TRIT1: variants seen among roughly 807,000 people sequenced by gnomAD.
TRIT1 encodes tRNA dimethylallyltransferase.
A neutral mutation model predicts 51.2 loss-of-function variants in TRIT1; 43 were observed. That is an observed-to-expected ratio of 0.84 (90% CI 0.66 to 1.08). The LOEUF (loss-of-function observed/expected upper bound fraction) is 1.08, where lower values mean the gene tolerates loss of function less well. Ranked by LOEUF, TRIT1 falls within the 50% of genes least tolerant of loss-of-function variation. The pLI, the probability that TRIT1 is intolerant of heterozygous loss-of-function variation, is 0.00. For missense variants in TRIT1, 528 were observed against 578.4 expected (o/e 0.91, Z 0.89); for synonymous variants, 184 against 203.9 (o/e 0.90, Z 0.83).
intron 8 of TRIT1, among the ~76,000 whole-genome samples, chr1:39,846,812 G>A (rs1642250471): frequency 6.6e-6 from 1 of 152,122 alleles, no homozygotes; most frequent in Non-Finnish European, 1.5e-5. Context: ...TGGGAGAAAT[G>A]GTGAAGGTGT....
rs1408528180 is a variant in TRIT1, at chr1:39,880,734, G to A, written c.174+2584C>T. Among the ~76,000 whole-genome samples the A allele has an allele frequency of 2.0e-5, 3 of 151,926 alleles. No individual in the cohort carries two copies. In the East Asian group the frequency reaches 5.8e-4, roughly 29 times the overall value. On this transcript the variant is annotated intron_variant, in intron 1 of 10. Coordinates refer to ENST00000316891, the MANE Select transcript of TRIT1 (RefSeq NM_017646.6). ...GAATTGCTTGAACCTGGGAGGCAGA[G>A]GGGGCAGTGAGCAGAGATTGCGCCA...
At position 39,847,244 on chromosome 1, in the gene TRIT1, A is replaced by G. The variant is rs765122130; in HGVS notation, c.982T>C (p.Trp328Arg). Residue 328 changes from tryptophan (W) to arginine (R), a missense_variant, in exon 8 of 11, where the codon TGG (tryptophan) becomes CGG (arginine). Around this residue, in one of 3 missense-constraint regions of TRIT1, gnomAD observed 468 missense variants for 522.6 expected, o/e 0.90. Coordinates refer to ENST00000316891, the MANE Select transcript of TRIT1 (RefSeq NM_017646.6). Reference sequence around the variant, plus strand: ...CTGCTCAAAAAACGGTTTTTAACCCATCGGTTTTGTTTCCGGGCATATCTC... The same window carrying G: ...CTGCTCAAAAAACGGTTTTTAACCCGTCGGTTTTGTTTCCGGGCATATCTC... The part of the protein sequence containing the change: ...TKRYARKQNR[W>R]VKNRFLSRPG... 1.9e-6 allele frequency: 3 copies of G among 1,614,194 alleles called. No individual in the cohort carries two copies. Among genetic ancestry groups the G allele is most frequent in the Non-Finnish European group, 2.5e-6 (3 of 1,180,018 alleles).
intron 1 of TRIT1, among the ~76,000 whole-genome samples, chr1:39,871,753 G>A (rs1643889051): frequency 6.6e-6 from 1 of 152,130 alleles, no homozygotes; most frequent in South Asian, 2.1e-4. Context: ...TAGAGGGGTT[G>A]ACTACAAAGG....
chr1:39,850,818 A>G (rs1279950704), intron 4 of TRIT1, among the ~76,000 whole-genome samples: 1 of 152,224 alleles, frequency 6.6e-6, no homozygotes, highest in East Asian at 1.9e-4. Flanking sequence ...TTCCCACAGT[A>G]CAAAAGCATG....
At chr1:39,862,500 T>C (rs566264836) in intron 1 of TRIT1, among the ~76,000 whole-genome samples, 3 of 152,350 alleles carry the variant, frequency 2.0e-5, no homozygotes, top group Admixed American at 6.5e-5. Flanking sequence ...CTTTTTATTA[T>C]TGTATTGAGC....
chr1:39,844,739 AG>A, intron 8 of TRIT1, 99 bp from the exon 9 acceptor site: 2 of 783,804 alleles, frequency 2.6e-6, no homozygotes, highest in Non-Finnish European at 4.4e-6. Context: ...ACAGAGCCAA[AG>A]GAGTAAACAT....
intron 1 of TRIT1, among the ~76,000 whole-genome samples, chr1:39,868,596 A>G (rs1282094437): frequency 1.3e-5 from 2 of 149,908 alleles, no homozygotes; most frequent in African/African-American, 4.9e-5. Context: ...GTGAGCCAAG[A>G]TCGCGCCATT....
In TRIT1 at chr1:39,841,807, G is replaced by T. The variant is rs368380890; in HGVS notation, c.1341C>A (p.Asn447Lys). The change falls in exon 11 of 11, where the codon AAC becomes AAA. Residue 447 changes from asparagine to lysine, a missense_variant. Asn to Lys is a moderately conservative substitution (Grantham distance 94). Around this residue, in one of 3 missense-constraint regions of TRIT1, gnomAD observed 468 missense variants for 522.6 expected, o/e 0.90. Coordinates refer to ENST00000316891, the MANE Select transcript of TRIT1 (RefSeq NM_017646.6). ...IESQSVSPDHNKEPKEKGSPG... is the reference protein window; with the variant it reads ...IESQSVSPDHKKEPKEKGSPG... ...GGGATCCCTTCTCTTTAGGTTCTTT[G>T]TTATGGTCTGGGGAAACACTCTGAC... The T allele has an allele frequency of 9.3e-6, 15 of 1,613,920 alleles. No homozygotes were observed. The South Asian group carries it at 1.4e-4, about 15-fold the overall frequency.
intron 8 of TRIT1, among the ~76,000 whole-genome samples, chr1:39,845,481 G>A (rs936391606): frequency 6.6e-6 from 1 of 152,202 alleles, no homozygotes; most frequent in South Asian, 2.1e-4. Context: ...GGATGCCAAC[G>A]ACTGGCAGGT....
intron 1 of TRIT1, among the ~76,000 whole-genome samples, chr1:39,869,462 C>T (rs891864244): frequency 6.6e-6 from 1 of 152,226 alleles, no homozygotes; most frequent in African/African-American, 2.4e-5. Flanking sequence ...ACAACCTCCA[C>T]CTCCCAGCCG....
chr1:39,867,891 T>C (rs1005545799), intron 1 of TRIT1, among the ~76,000 whole-genome samples: 4 of 152,150 alleles, frequency 2.6e-5, no homozygotes, highest in African/African-American at 9.7e-5. Flanking sequence ...TGAGGTGAAA[T>C]TAAATTCCAG....
chr1:39,879,295 C>T (rs1247661911), intron 1 of TRIT1, among the ~76,000 whole-genome samples: 8 of 152,000 alleles, frequency 5.3e-5, no homozygotes, highest in Admixed American at 5.3e-4. Context: ...AAACTCCCTA[C>T]TGATTGAACC....
chr1:39,876,232 T>C (rs1350925633), intron 1 of TRIT1: 1 of 152,286 alleles, frequency 6.6e-6, no homozygotes, highest in Non-Finnish European at 1.5e-5. Flanking sequence ...ATATATCTTT[T>C]TGAAGTGGAG....
chr1:39,848,219 G>T, intron 5 of TRIT1, 122 bp from the exon 6 acceptor site: 1 of 673,212 alleles, frequency 1.5e-6, no homozygotes, highest in Non-Finnish European at 2.6e-6. Flanking sequence ...AAAGAATTCA[G>T]ATTCCAAAGA....
intron 2 of TRIT1, among the ~76,000 whole-genome samples, 167 bp from the exon 3 acceptor site, chr1:39,854,235 A>C (rs1570022620): frequency 6.6e-6 from 1 of 152,226 alleles, no homozygotes; most frequent in East Asian, 1.9e-4. Flanking sequence ...TTCCAGAATC[A>C]TGTCCAATCA....
At chr1:39,863,650 A>T (rs1429092620) in intron 1 of TRIT1, among the ~76,000 whole-genome samples, 4 of 152,082 alleles carry the variant, frequency 2.6e-5, no homozygotes, top group African/African-American at 9.7e-5. Context: ...GAAAAAAAAA[A>T]TTTGTAAAAA....
In TRIT1 at chr1:39,850,194, C is replaced by A; in HGVS notation, c.628G>T (p.Glu210Ter). 6.2e-7 allele frequency: 1 copy of A among 1,614,186 alleles called. No homozygotes were observed. The highest frequency in any genetic ancestry group is 8.5e-7 in the Non-Finnish European group (1 of 1,180,032). The stretch of plus-strand genomic sequence containing the variant: ...GGACCTCCAAGGGGACCACCACCTT[C>A]TTCCGTATGTTGACGATGGAGAAAT... The part of the protein sequence containing the change: ...SEFLHRQHTE[E>*]GGGPLGGPLK... Residue 210 changes from glutamate to a stop codon, truncating the protein, a stop_gained, in exon 5 of 11, where the codon GAA becomes TAA. Transcript: ENST00000316891. LOFTEE classifies it high-confidence loss of function.
intron 1 of TRIT1, among the ~76,000 whole-genome samples, chr1:39,869,595 G>A (rs557534733): frequency 1.3e-5 from 2 of 150,808 alleles, no homozygotes; most frequent in South Asian, 2.1e-4. Flanking sequence ...CCCTCTGCCC[G>A]GCCGCCCAGT....
chr1:39,841,640 G>T lies in TRIT1; in HGVS notation c.*104C>A. 8.2e-7 allele frequency: 1 copy of T among 1,223,264 alleles called. No homozygotes were observed. The highest frequency in any genetic ancestry group is 1.1e-6 in the Non-Finnish European group (1 of 893,892). 75.8% of individuals were successfully genotyped at this position (1,223,264 alleles called of 1,614,324 possible). A position where few individuals can be genotyped will look rare whatever the true frequency, so the allele number is the denominator to read the frequency against. On this transcript the variant is annotated 3_prime_UTR_variant, in exon 11 of 11. Transcript: ENST00000316891. Reference sequence around the variant, plus strand: ...ATGGTGGGAGCTTTTCTGCTATGCAGAGAATTCCGCATAGCACTCCTTTGC... The same window carrying T: ...ATGGTGGGAGCTTTTCTGCTATGCATAGAATTCCGCATAGCACTCCTTTGC...
Sources: gnomAD v4.1 joint callset for allele counts (sites outside exome capture counted in the v4.1 genomes callset) on GRCh38, gnomAD v4.1.1 for gene constraint, gnomAD v4.1.1 regional missense constraint, MANE v1.5 for transcripts, NCBI Gene and HGNC (gene_info 2026-07-23, HGNC 2026-07-21) for gene names.